TRAPPC9: variants seen among roughly 807,000 people sequenced by gnomAD.
TRAPPC9 encodes the protein trafficking protein particle complex subunit 9, also known as IKK2 binding protein.
TRAPPC9 carries 83 observed loss-of-function variants against 124.0 expected under a neutral mutation model. The ratio of observed to expected loss-of-function variants is 0.67; its 90% confidence interval spans 0.56 to 0.80. TRAPPC9 has a LOEUF of 0.80. Ranked by LOEUF, TRAPPC9 falls within the 30% of genes least tolerant of loss-of-function variation. TRAPPC9 has a pLI of 0.00. For synonymous variants in TRAPPC9, 638 were observed against 617.5 expected, an observed-to-expected ratio of 1.03 and a Z score of -0.49; for missense variants, 1,302 against 1,508.3, an observed-to-expected ratio of 0.86 and a Z score of 2.27.
chr8:139,866,012 G>A (rs1338484134), intron 21 of TRAPPC9, among the ~76,000 whole-genome samples: 1 of 134,458 alleles, frequency 7.4e-6, no homozygotes, highest in African/African-American at 3.1e-5. Flanking sequence ...CAAAGGGGTG[G>A]GGACATGGGG....
chr8:140,173,254 G>A (rs1024472719), intron 17 of TRAPPC9, among the ~76,000 whole-genome samples: 2 of 152,138 alleles, frequency 1.3e-5, no homozygotes, highest in Non-Finnish European at 2.9e-5. Flanking sequence ...AGAACCCTTG[G>A]ATTAAAGACA....
At chr8:140,037,794 G>A (rs946535093) in intron 17 of TRAPPC9, among the ~76,000 whole-genome samples, 3 of 131,134 alleles carry the variant, frequency 2.3e-5, no homozygotes, top group Admixed American at 7.8e-5. Flanking sequence ...CACACCACAC[G>A]CACACCCAAC....
intron 17 of TRAPPC9, among the ~76,000 whole-genome samples, chr8:140,084,678 T>C (rs1320885261): frequency 6.6e-6 from 1 of 152,216 alleles, no homozygotes; most frequent in African/African-American, 2.4e-5. Context: ...AGGCTCCCAG[T>C]GGTGAGCAGC....
rs1817636498 is a variant in TRAPPC9 at position 139,727,853 on chromosome 8, C to T, written c.*3208G>A. On this transcript the variant is annotated 3_prime_UTR_variant, in exon 23 of 23. Coordinates refer to ENST00000438773, the MANE Select transcript of TRAPPC9 (RefSeq NM_001160372.4). ...CTAATACATTAAGCCATGCAGGGGACTAACGGAGCATAGCAATGTGGCCTG... is the reference window on the plus strand; with the variant it reads ...CTAATACATTAAGCCATGCAGGGGATTAACGGAGCATAGCAATGTGGCCTG... Among the ~76,000 whole-genome samples, 2 of 152,208 alleles carry T rather than the reference C, an allele frequency of 1.3e-5. No individual in the cohort carries two copies. The highest frequency in any genetic ancestry group is 4.1e-4 in the South Asian group (2 of 4,820).
intron 9 of TRAPPC9, among the ~76,000 whole-genome samples, chr8:140,352,793 T>C (rs565833355): frequency 1.3e-5 from 2 of 152,262 alleles, no homozygotes; most frequent in East Asian, 1.9e-4. Flanking sequence ...AAGAATCACA[T>C]CCACATCTGA....
At chr8:140,102,494 C>T (rs922627895) in intron 17 of TRAPPC9, among the ~76,000 whole-genome samples, 17 of 152,040 alleles carry the variant, frequency 1.1e-4, no homozygotes, top group Admixed American at 1.3e-4. Context: ...CACACACACA[C>T]GCATGCACGC....
chr8:139,940,867 G>A (rs778629343), intron 19 of TRAPPC9, among the ~76,000 whole-genome samples: 2 of 152,238 alleles, frequency 1.3e-5, no homozygotes, highest in Non-Finnish European at 2.9e-5. Context: ...GCTGAGTTCC[G>A]GCAGGGCGCT....
chr8:139,879,034 A>G (rs191999076), intron 21 of TRAPPC9, among the ~76,000 whole-genome samples: 13 of 152,374 alleles, frequency 8.5e-5, no homozygotes, highest in African/African-American at 2.9e-4. Flanking sequence ...CAGAGAAAGA[A>G]TCAGTCAGGC....
intron 21 of TRAPPC9, among the ~76,000 whole-genome samples, chr8:139,820,765 A>G (rs796490615): frequency 8.5e-5 from 13 of 152,366 alleles, no homozygotes; most frequent in Middle Eastern, 3.4e-3. Flanking sequence ...AACTAAATAT[A>G]TTACAAAGGT....
At chr8:139,784,618 T>C (rs1822079644) in intron 21 of TRAPPC9, among the ~76,000 whole-genome samples, 3 of 128,042 alleles carry the variant, frequency 2.3e-5, no homozygotes, top group Admixed American at 9.0e-5. Context: ...CATATATATA[T>C]ATATATATAT....
At chr8:139,858,805 C>T (rs1015162970) in intron 21 of TRAPPC9, among the ~76,000 whole-genome samples, 29 of 149,958 alleles carry the variant, frequency 1.9e-4, no homozygotes, top group African/African-American at 6.6e-4. Context: ...GTAGCCACTG[C>T]GACCGGGACT....
At position 139,788,896 on chromosome 8, in the gene TRAPPC9, C is replaced by A. The variant is rs1484289472; in HGVS notation, c.3056-56694G>T. 6.6e-6 allele frequency among the ~76,000 whole-genome samples: 1 copy of A among 152,196 alleles called. No homozygotes were observed. The highest frequency in any genetic ancestry group is 2.4e-5 in the African/African-American group (1 of 41,442). ...CAGGGGCCCTGTTGCCAACCTTCTG[C>A]AGGTCAGACCAAAGTTTTAAAAGAA... is the stretch of plus-strand genomic sequence containing the variant. On this transcript the variant is annotated intron_variant, in intron 21 of 22. Transcript: ENST00000438773. This position sits in a 1 kb window ranked among gnomAD's most constrained non-coding sequence, Gnocchi z 4.9.
chr8:140,427,544 A>G (rs1459485352), intron 4 of TRAPPC9, among the ~76,000 whole-genome samples: 1 of 152,192 alleles, frequency 6.6e-6, no homozygotes. Context: ...GTGGTCTGCT[A>G]AACTACCCAA....
intron 14 of TRAPPC9, among the ~76,000 whole-genome samples, chr8:140,279,494 A>T (rs1467886317): frequency 6.6e-6 from 1 of 152,222 alleles, no homozygotes; most frequent in Non-Finnish European, 1.5e-5. Context: ...ACAATTTTTT[A>T]AAATAAGAAA....
intron 15 of TRAPPC9, among the ~76,000 whole-genome samples, chr8:140,267,457 G>A (rs748961767): frequency 6.6e-6 from 1 of 152,178 alleles, no homozygotes; most frequent in Non-Finnish European, 1.5e-5. Flanking sequence ...TCAATACTAC[G>A]TAAGCACTCA....
intron 17 of TRAPPC9, among the ~76,000 whole-genome samples, chr8:140,061,901 C>A (rs1471770499): frequency 1.3e-5 from 2 of 152,170 alleles, no homozygotes; most frequent in Non-Finnish European, 2.9e-5. Context: ...CAGGCCCACT[C>A]CAACATTACA....
At chr8:139,939,499 C>T (rs981116115) in intron 19 of TRAPPC9, among the ~76,000 whole-genome samples, 5 of 152,158 alleles carry the variant, frequency 3.3e-5, no homozygotes, top group Non-Finnish European at 5.9e-5. Flanking sequence ...GCCCACCCTC[C>T]CAGTCCCCAT....
chr8:139,759,046 G>T (rs1027126182), intron 21 of TRAPPC9, among the ~76,000 whole-genome samples: 1 of 152,218 alleles, frequency 6.6e-6, no homozygotes, highest in Non-Finnish European at 1.5e-5. Context: ...ATGCGCAGTG[G>T]TAGAGGTGTT....
rs1053894128 is a variant in TRAPPC9 at position 140,067,588 on chromosome 8, G to C, written c.2557-43509C>G. ...CCTGGTTGCATCTAAGCAAAGAAAA[G>C]AACTGAAAGCGAACTTGGGGGCATC... On this transcript the variant is annotated intron_variant, in intron 17 of 22. Transcript: ENST00000438773. Among the ~76,000 whole-genome samples the C allele has an allele frequency of 1.4e-4, 22 of 152,310 alleles. 1 individual carries two copies. In the East Asian group the frequency reaches 4.0e-3, roughly 28 times the overall value.
Sources: gnomAD v4.1 joint callset for allele counts (sites outside exome capture counted in the v4.1 genomes callset) on GRCh38, gnomAD v4.1.1 for gene constraint, Gnocchi (gnomAD v3.1) non-coding constraint, MANE v1.5 for transcripts, NCBI Gene and HGNC (gene_info 2026-07-23, HGNC 2026-07-21) for gene names.